CCDC170: variants seen among roughly 807,000 people sequenced by gnomAD.
CCDC170 encodes the protein coiled-coil domain containing 170, also known as coiled-coil domain-containing protein 170.
A neutral mutation model predicts 72.6 loss-of-function variants in CCDC170; 69 were observed. That is an observed-to-expected ratio of 0.95 (90% confidence interval 0.78 to 1.16). The LOEUF (loss-of-function observed/expected upper bound fraction) is 1.16. CCDC170 is among the 50% of genes most tolerant of loss of function. The probability of loss-of-function intolerance (pLI) is 0.00; values close to 1 mark genes in which losing one functional copy is unlikely to be tolerated. For missense variants in CCDC170, 852 were observed against 832.5 expected, an observed-to-expected ratio of 1.02 and a Z score of -0.29; for synonymous variants, 300 against 303.9, an observed-to-expected ratio of 0.99 and a Z score of 0.13.
chr6:151,540,445 G>T lies in CCDC170; in HGVS notation c.443+2144G>T, dbSNP rs150670399. Among the ~76,000 whole-genome samples, 1,024 of 133,466 alleles carry T rather than the reference G, an allele frequency of 7.7e-3. 13 individuals carry two copies. The highest frequency in any genetic ancestry group is 0.026 in the African/African-American group (966 of 37,076). The allele number at this position is 133,466 out of a possible 152,430, so 87.6% of individuals were successfully genotyped here. The stretch of plus-strand genomic sequence containing the variant: ...TGTTGCCCAGGCTGGAATGCAGTGG[G>T]TGTGATCTTGGCTCACTGCAACCTC... On this transcript the variant is annotated intron_variant, in intron 3 of 10. Transcript: ENST00000239374.
intron 6 of CCDC170, among the ~76,000 whole-genome samples, chr6:151,580,779 T>C (rs940321058): frequency 2.6e-5 from 4 of 152,020 alleles, no homozygotes; most frequent in Non-Finnish European, 5.9e-5. Context: ...CTTCCTCATG[T>C]AGCACTTCAA....
chr6:151,618,368 C>A lies in CCDC170; in HGVS notation c.*221C>A, dbSNP rs1291102902. The stretch of plus-strand genomic sequence containing the variant: ...ATTTCATTTACTAGCATTTTAGGAT[C>A]CAGAAGAATTCCACCAGATTGCATG... On this transcript the variant is annotated 3_prime_UTR_variant, in exon 11 of 11. Transcript: ENST00000239374. 3.8e-6 allele frequency: 2 copies of A among 524,614 alleles called. No individual in the cohort carries two copies. The highest frequency in any genetic ancestry group is 2.7e-5 in the South Asian group (1 of 36,474). The allele number at this position is 524,614 out of a possible 1,614,324, so 32.5% of individuals were successfully genotyped here.
chr6:151,553,535 A>T (rs2115064059), intron 5 of CCDC170, among the ~76,000 whole-genome samples: 1 of 152,288 alleles, frequency 6.6e-6, no homozygotes, highest in South Asian at 2.1e-4. Flanking sequence ...TTTAATATTT[A>T]TTTATAAAAA....
chr6:151,539,073 C>T (rs1782638864), intron 3 of CCDC170, among the ~76,000 whole-genome samples: 1 of 151,980 alleles, frequency 6.6e-6, no homozygotes, highest in Non-Finnish European at 1.5e-5. Context: ...ACCAGCCTGG[C>T]CAACATGGTG....
intron 1 of CCDC170, among the ~76,000 whole-genome samples, chr6:151,525,871 C>T (rs552949360): frequency 2.8e-4 from 42 of 152,160 alleles, no homozygotes; most frequent in African/African-American, 1.0e-3. Flanking sequence ...CAAAGTGTCC[C>T]CTACAGTGGC....
intron 5 of CCDC170, among the ~76,000 whole-genome samples, chr6:151,550,710 T>C (rs1410003450): frequency 1.3e-5 from 2 of 152,130 alleles, no homozygotes; most frequent in Non-Finnish European, 2.9e-5. Context: ...AGAACCAACA[T>C]GGTCAGGTTC....
rs139711050 is a variant in CCDC170, at chr6:151,592,677, G to A, written c.1294-430G>A. ...CCTCCCACAACATGTGGGAATTATG[G>A]GAGCTACAATTCAGGATGAGATATG... On this transcript the variant is annotated intron_variant, in intron 7 of 10. Coordinates refer to ENST00000239374, the MANE Select transcript of CCDC170 (RefSeq NM_025059.4). 3.2e-3 allele frequency among the ~76,000 whole-genome samples: 492 copies of A among 152,256 alleles called. 3 individuals carry two copies. The highest frequency in any genetic ancestry group is 0.011 in the African/African-American group (473 of 41,544).
At chr6:151,554,671 C>A (rs1314843871) in intron 5 of CCDC170, among the ~76,000 whole-genome samples, 1 of 151,750 alleles carries the variant, frequency 6.6e-6, no homozygotes, top group Non-Finnish European at 1.5e-5. Context: ...TTGCAGTGAG[C>A]TGAGATGGCA....
chr6:151,520,115 C>A lies in CCDC170; in HGVS notation c.58-16203C>A, dbSNP rs1281433764. ...CTGGTTCCAATGCCTCTGACACATT[C>A]ATTCACTTAATTCTACAAATAAGTA... On this transcript the variant is annotated intron_variant, in intron 1 of 10. Coordinates refer to ENST00000239374, the MANE Select transcript of CCDC170 (RefSeq NM_025059.4). Among the ~76,000 whole-genome samples the A allele has an allele frequency of 2.0e-5, 3 of 152,212 alleles. No homozygotes were observed. In the East Asian group the frequency reaches 5.8e-4, roughly 29 times the overall value.
intron 1 of CCDC170, among the ~76,000 whole-genome samples, chr6:151,500,389 G>A (rs1459245475): frequency 2.0e-5 from 3 of 150,996 alleles, no homozygotes; most frequent in South Asian, 2.1e-4. Flanking sequence ...GAAACAGAAG[G>A]AATAGGGAAA....
Position 151,573,155 on chromosome 6 carries a change from C to T in CCDC170, c.775-19C>T. On this transcript the variant is annotated intron_variant, in intron 5 of 10. Transcript: ENST00000239374. Reference sequence around the variant, plus strand: ...TTGACTTCTAATGGTATTGTCTTCACTTTCTGTAATCATTTTAGGACCTGC... The same window carrying T: ...TTGACTTCTAATGGTATTGTCTTCATTTTCTGTAATCATTTTAGGACCTGC... 2 of 1,592,896 alleles carry T rather than the reference C, an allele frequency of 1.3e-6. No homozygotes were observed. Among genetic ancestry groups the T allele is most frequent in the Non-Finnish European group, 1.7e-6 (2 of 1,169,570 alleles).
intron 6 of CCDC170, among the ~76,000 whole-genome samples, chr6:151,576,254 G>A (rs547020226): frequency 2.0e-5 from 3 of 152,286 alleles, no homozygotes; most frequent in African/African-American, 7.2e-5. Flanking sequence ...TAAGTGTTCT[G>A]AGCACTTTTA....
chr6:151,558,588 C>A (rs1244717062), intron 5 of CCDC170, among the ~76,000 whole-genome samples: 1 of 152,116 alleles, frequency 6.6e-6, no homozygotes, highest in Non-Finnish European at 1.5e-5. Flanking sequence ...AAGATAGTGA[C>A]CTAGTTTCAT....
chr6:151,570,885 C>T (rs529294138), intron 5 of CCDC170, among the ~76,000 whole-genome samples: 5 of 152,238 alleles, frequency 3.3e-5, no homozygotes, highest in African/African-American at 4.8e-5. Context: ...ACAGACATGA[C>T]TAGTTTAGCA....
intron 1 of CCDC170, among the ~76,000 whole-genome samples, chr6:151,504,067 A>G (rs956780094): frequency 2.6e-5 from 4 of 152,210 alleles, no homozygotes; most frequent in African/African-American, 7.2e-5. Context: ...TGACAGTTGT[A>G]TGAAGAGGAA....
chr6:151,566,950 C>T (rs747650061), intron 5 of CCDC170, among the ~76,000 whole-genome samples: 29 of 152,020 alleles, frequency 1.9e-4, no homozygotes, highest in African/African-American at 2.7e-4. Flanking sequence ...GACTGAGTTT[C>T]GCTCTTGTTG....
intron 1 of CCDC170, among the ~76,000 whole-genome samples, chr6:151,512,710 C>G (rs962794822): frequency 1.0e-5 from 1 of 96,498 alleles, no homozygotes; most frequent in African/African-American, 5.4e-5. Flanking sequence ...AGTGTTTAAC[C>G]GAGTTCCTCC....
chr6:151,502,664 A>T (rs1305471960), intron 1 of CCDC170, among the ~76,000 whole-genome samples: 1 of 152,244 alleles, frequency 6.6e-6, no homozygotes, highest in Non-Finnish European at 1.5e-5. Flanking sequence ...GTTTGGAGTA[A>T]GCAAAAATGA....
At chr6:151,520,228 C>T (rs1378060173) in intron 1 of CCDC170, among the ~76,000 whole-genome samples, 1 of 152,222 alleles carries the variant, frequency 6.6e-6, no homozygotes, top group African/African-American at 2.4e-5. Flanking sequence ...CTTATTCCTT[C>T]CCCTTGTGAT....
Sources: gnomAD v4.1 joint callset for allele counts (sites outside exome capture counted in the v4.1 genomes callset) on GRCh38, gnomAD v4.1.1 for gene constraint, MANE v1.5 for transcripts, NCBI Gene and HGNC (gene_info 2026-07-23, HGNC 2026-07-21) for gene names.